COPB2: variants seen among roughly 807,000 people sequenced by gnomAD.
The protein encoded by COPB2 is coatomer subunit beta'.
A neutral mutation model predicts 120.8 loss-of-function variants in COPB2; 16 were observed. The observed-to-expected ratio is 0.13, with a 90% CI of 0.09 to 0.20. COPB2 has a LOEUF of 0.20. Ranked by LOEUF, COPB2 falls within the 10% of genes least tolerant of loss-of-function variation. The probability of loss-of-function intolerance (pLI) is 1.00; values close to 1 mark genes in which losing one functional copy is unlikely to be tolerated. For synonymous variants in COPB2, 332 were observed against 366.3 expected (o/e 0.91, Z 1.07); for missense variants, 794 against 1,076.5 (o/e 0.74, Z 3.67).
Position 139,374,513 on chromosome 3 carries a change from T to A in COPB2, c.727A>T (p.Ile243Phe), listed in dbSNP as rs544533910. The A allele has an allele frequency of 3.1e-6, 5 of 1,613,894 alleles. No homozygotes were observed. Among genetic ancestry groups the A allele is most frequent in the Non-Finnish European group, 3.4e-6 (4 of 1,179,912 alleles). Residue 243 changes from isoleucine (I) to phenylalanine (F), a missense_variant, in exon 7 of 22, where the codon ATC becomes TTC. Transcript: ENST00000333188. ...CCATCTTCTGAACCTGTGATAATGA[T>A]TGGCAACTCAGGATGAAAGCTGGCA... Reference protein sequence around the residue: ...SCASFHPELPIIITGSEDGTV... With the variant: ...SCASFHPELPFIITGSEDGTV...
chr3:139,383,327 T>C lies in COPB2; in HGVS notation c.112A>G (p.Ser38Gly), dbSNP rs1181638626. Reference sequence around the variant, plus strand: ...GTTTCATGATTCCAAACACACACACTGCCATTGTAAAGACTTGCCAACATC... The same window carrying C: ...GTTTCATGATTCCAAACACACACACCGCCATTGTAAAGACTTGCCAACATC... ...PWMLASLYNG[S>G]VCVWNHETQT... Residue 38 changes from serine (S) to glycine (G), a missense_variant, in exon 2 of 22, where the codon AGT becomes GGT. Coordinates refer to ENST00000333188, the MANE Select transcript of COPB2 (RefSeq NM_004766.3). 2 of 1,613,986 alleles carry C rather than the reference T, an allele frequency of 1.2e-6. No homozygotes were observed. Among genetic ancestry groups the C allele is most frequent in the Admixed American group, 1.7e-5 (1 of 60,024 alleles).
chr3:139,379,947 T>C (rs1001944091), intron 2 of COPB2: 3 of 154,080 alleles, frequency 1.9e-5, no homozygotes, highest in Non-Finnish European at 2.9e-5. Context: ...GGCACACAAG[T>C]AGTGTGTAAT....
chr3:139,379,442 A>G lies in COPB2; in HGVS notation c.166T>C (p.Cys56Arg), dbSNP rs748591551. ...TQTLVKTFEVCDLPVRAAKFV... is the reference protein window; with the variant it reads ...TQTLVKTFEVRDLPVRAAKFV... ...TTTGCAGCTCGAACAGGAAGATCAC[A>G]TACTTCAAATGTCTTCACCAGTGTC... The change falls in exon 3 of 22, where the codon TGT (cysteine) becomes CGT (arginine). Residue 56 changes from cysteine to arginine, a missense_variant. Cys to Arg is a radical substitution (Grantham distance 180). Coordinates refer to ENST00000333188, the MANE Select transcript of COPB2 (RefSeq NM_004766.3). The G allele has an allele frequency of 6.2e-7, 1 of 1,614,108 alleles. No homozygotes were observed. The highest frequency in any genetic ancestry group is 8.5e-7 in the Non-Finnish European group (1 of 1,179,978).
chr3:139,373,849 T>A, intron 7 of COPB2, 41 bp from the exon 8 acceptor site: 1 of 1,610,280 alleles, frequency 6.2e-7, no homozygotes, highest in Non-Finnish European at 8.5e-7. Flanking sequence ...GATACAAACA[T>A]CCGACAATAA....
intron 17 of COPB2, among the ~76,000 whole-genome samples, chr3:139,359,812 G>T (rs1029167805): frequency 6.6e-6 from 1 of 151,932 alleles, no homozygotes; most frequent in South Asian, 2.1e-4. Flanking sequence ...TTTTTTCTGT[G>T]CAAGTTTTAT....
At chr3:139,386,250 T>C (rs1307301241) in intron 1 of COPB2, among the ~76,000 whole-genome samples, 1 of 150,370 alleles carries the variant, frequency 6.7e-6, no homozygotes, top group African/African-American at 2.4e-5. Context: ...TCTCTCCAAT[T>C]TTCTACTTTC....
At chr3:139,362,300 A>G in intron 16 of COPB2, 107 bp downstream of exon 16, 2 of 578,312 alleles carry the variant, frequency 3.5e-6, no homozygotes, top group East Asian at 6.0e-5. Flanking sequence ...AAAATGAGCC[A>G]CTAATTTGCA....
chr3:139,377,764 T>A (rs1471668006), intron 5 of COPB2, among the ~76,000 whole-genome samples: 1 of 152,214 alleles, frequency 6.6e-6, no homozygotes, highest in Non-Finnish European at 1.5e-5. Flanking sequence ...GATATTGGCA[T>A]TTTTCTTATT....
chr3:139,389,541 G>A lies in COPB2; in HGVS notation c.3+7C>T, dbSNP rs201832132. The A allele has an allele frequency of 5.6e-5, 89 of 1,575,748 alleles. No individual in the cohort carries two copies. In the Admixed American group the frequency reaches 1.3e-3, roughly 24 times the overall value. ...ACCCCGCTCCCTTCTACGGGATCTG[G>A]ACCTACCATGGCTGCGTCGGTCCAA... On this transcript the variant is annotated splice_region_variant and intron_variant, in intron 1 of 21. Coordinates refer to ENST00000333188, the MANE Select transcript of COPB2 (RefSeq NM_004766.3).
Position 139,359,087 on chromosome 3 carries a change from G to A in COPB2, c.2395C>T (p.Pro799Ser), listed in dbSNP as rs1366608838. The A allele has an allele frequency of 3.0e-5, 48 of 1,613,904 alleles. No homozygotes were observed. Among genetic ancestry groups the A allele is most frequent in the Non-Finnish European group, 3.6e-5 (42 of 1,180,000 alleles). ...ADPTEYENLF[P>S]GLKEAFVVEE... ...ACAACAAAGGCTTCTTTTAATCCAG[G>A]GAACAGGTTTTCATACTCTGTTGGG... The change falls in exon 19 of 22, where the codon CCT becomes TCT. Residue 799 changes from proline (P) to serine (S), a missense_variant. Pro to Ser is a moderately conservative substitution (Grantham distance 74, BLOSUM62 -1). Around this residue, in one of 3 missense-constraint regions of COPB2, gnomAD observed 178 missense variants for 183.2 expected, o/e 0.97. Transcript: ENST00000333188.
chr3:139,366,731 T>G lies in COPB2; in HGVS notation c.1721A>C (p.Tyr574Ser). 6.2e-7 allele frequency: 1 copy of G among 1,614,034 alleles called. No individual in the cohort carries two copies. Among genetic ancestry groups the G allele is most frequent in the Non-Finnish European group, 8.5e-7 (1 of 1,179,976 alleles). The change falls in exon 15 of 22, where the codon TAT becomes TCT. Residue 574 changes from tyrosine to serine, a missense_variant. By Grantham distance (144) the Tyr-to-Ser change is moderately radical. Transcript: ENST00000333188. ...LGYIPKDNRLYLGDKELNIIS... is the reference protein window; with the variant it reads ...LGYIPKDNRLSLGDKELNIIS... ...GATGTTCAATTCTTTATCCCCCAGATAAAGCCTGTTGTCTTTAGGAATGTA... is the reference window on the plus strand; with the variant it reads ...GATGTTCAATTCTTTATCCCCCAGAGAAAGCCTGTTGTCTTTAGGAATGTA...
chr3:139,377,595 A>C (rs1234529439), intron 5 of COPB2, among the ~76,000 whole-genome samples: 1 of 152,232 alleles, frequency 6.6e-6, no homozygotes, highest in Non-Finnish European at 1.5e-5. Context: ...CTTTATCCTT[A>C]GATCAGGAAC....
intron 12 of COPB2, 27 bp from the exon 13 acceptor site, chr3:139,368,315 C>A (rs749013398): frequency 3.1e-6 from 5 of 1,596,262 alleles, no homozygotes; most frequent in Non-Finnish European, 3.4e-6. Context: ...TCATAGACAA[C>A]TGATTTGGAT....
intron 17 of COPB2, among the ~76,000 whole-genome samples, chr3:139,359,853 T>C (rs1482636510): frequency 6.6e-6 from 1 of 152,174 alleles, no homozygotes; most frequent in Non-Finnish European, 1.5e-5. Flanking sequence ...GAATTCAGGA[T>C]TTTTTGGATT....
intron 14 of COPB2, 68 bp downstream of exon 14, chr3:139,366,947 A>G (rs1240600956): frequency 5.1e-6 from 8 of 1,556,154 alleles, no homozygotes; most frequent in Non-Finnish European, 6.1e-6. Flanking sequence ...TCATTGCTAC[A>G]AGCCAGCAAC....
rs777586314 is a variant in COPB2, at chr3:139,368,182, T to C, written c.1508A>G (p.Glu503Gly). The part of the protein sequence containing the change: ...EKVLAAQETH[E>G]GVTEDGIEDA... ...TTCAATGCCATCTTCAGTAACTCCC[T>C]CATGTGTTTCCTGTGCAGCCAAGAC... Residue 503 changes from glutamate to glycine, a missense_variant, in exon 13 of 22, where the codon GAG (glutamate) becomes GGG (glycine). Physicochemically the swap from Glu to Gly is moderately conservative, Grantham distance 98 (BLOSUM62 -2). Coordinates refer to ENST00000333188, the MANE Select transcript of COPB2 (RefSeq NM_004766.3). The C allele has an allele frequency of 5.6e-6, 9 of 1,613,744 alleles. No individual in the cohort carries two copies. Among genetic ancestry groups the C allele is most frequent in the Middle Eastern group, 1.6e-4 (1 of 6,084 alleles).
Position 139,378,029 on chromosome 3 carries a change from T to G in COPB2, c.504+12A>C, listed in dbSNP as rs753266290. ...TAATAATGATAACTGACACAAAATG[T>G]GGATGCCCTACCTTGATAGTCCTGT... On this transcript the variant is annotated intron_variant, in intron 5 of 21. Coordinates refer to ENST00000333188, the MANE Select transcript of COPB2 (RefSeq NM_004766.3). The G allele has an allele frequency of 6.6e-7, 1 of 1,512,278 alleles. No homozygotes were observed. The highest frequency in any genetic ancestry group is 9.0e-7 in the Non-Finnish European group (1 of 1,111,028). 93.7% of individuals were successfully genotyped at this position (1,512,278 alleles called of 1,614,324 possible).
chr3:139,388,324 G>T (rs530756602), intron 1 of COPB2: 2 of 149,070 alleles, frequency 1.3e-5, no homozygotes, highest in Non-Finnish European at 3.0e-5. Context: ...TGGCCCCTGC[G>T]CAAGTATGAC....
In COPB2 at chr3:139,359,176, A is replaced by G. The variant is rs1169489716; in HGVS notation, c.2306T>C (p.Val769Ala). The part of the protein sequence containing the change: ...RTYLPSQVSR[V>A]VKLWRENLSK... ...GAGATTCTCTCTCCAGAGTTTCACTACCCTATTATAGACATCATGGAACCA... is the reference window on the plus strand; with the variant it reads ...GAGATTCTCTCTCCAGAGTTTCACTGCCCTATTATAGACATCATGGAACCA... The change falls in exon 19 of 22, where the codon GTA becomes GCA. Residue 769 changes from valine (V) to alanine (A), a missense_variant and splice_region_variant. This residue lies in a region of COPB2 where 178 missense variants were observed against 183.2 expected (regional missense o/e 0.97). Coordinates refer to ENST00000333188, the MANE Select transcript of COPB2 (RefSeq NM_004766.3). 1 of 1,613,102 alleles carries G rather than the reference A, an allele frequency of 6.2e-7. No homozygotes were observed. The highest frequency in any genetic ancestry group is 8.5e-7 in the Non-Finnish European group (1 of 1,179,754).
Sources: gnomAD v4.1 joint callset for allele counts (sites outside exome capture counted in the v4.1 genomes callset) on GRCh38, gnomAD v4.1.1 for gene constraint, gnomAD v4.1.1 regional missense constraint, MANE v1.5 for transcripts, NCBI Gene and HGNC (gene_info 2026-07-23, HGNC 2026-07-21) for gene names.